The following QTGAL variants were observed in gnomAD, a reference collection of about 807,000 sequenced individuals.
The protein encoded by QTGAL is queuosine-tRNA galactosyltransferase, also known as BGnT-like protein 1.
the QTGAL span, among the ~76,000 whole-genome samples, chr17:83,031,507 T>C: frequency 0.01 from 946 of 90,572 alleles, 65 homozygotes; most frequent in African/African-American, 0.016. Flanking sequence ...CTCGCAGGAC[T>C]GGCGCCACGT....
chr17:83,005,265 T>G, the QTGAL span: 4 of 1,319,308 alleles, frequency 3.0e-6, no homozygotes, highest in African/African-American at 5.8e-5. This position sits in a 1 kb window ranked among gnomAD's most constrained non-coding sequence, Gnocchi z 5.6. Context: ...CGCAGGTGCA[T>G]GTGCACACCT....
chr17:82,986,502 T>C, the QTGAL span, among the ~76,000 whole-genome samples: 3 of 152,258 alleles, frequency 2.0e-5, no homozygotes, highest in African/African-American at 7.2e-5. Context: ...CAATGGAATA[T>C]TCATCTTCTC....
At chr17:83,048,622 G>A in the QTGAL span, 61 of 1,604,764 alleles carry the variant, frequency 3.8e-5, no homozygotes, top group Admixed American at 3.0e-4. Context: ...ACAGTCAACC[G>A]TTGCTTACAC....
At chr17:82,983,096 C>G in the QTGAL span, among the ~76,000 whole-genome samples, 1 of 152,166 alleles carries the variant, frequency 6.6e-6, no homozygotes, top group African/African-American at 2.4e-5. Context: ...GCCTGCCCAA[C>G]ATGCTGAAAC....
At chr17:83,040,393 G>A in the QTGAL span, among the ~76,000 whole-genome samples, 3 of 152,098 alleles carry the variant, frequency 2.0e-5, no homozygotes, top group African/African-American at 4.8e-5. Flanking sequence ...GTCTTATATG[G>A]AAACTTTAAA....
chr17:82,970,198 C>G, the QTGAL span, among the ~76,000 whole-genome samples: 1 of 152,166 alleles, frequency 6.6e-6, no homozygotes, highest in Non-Finnish European at 1.5e-5. Flanking sequence ...GCCAGGCCAG[C>G]CAAGGCCACA....
the QTGAL span, among the ~76,000 whole-genome samples, chr17:83,042,716 T>A: frequency 1.2e-3 from 177 of 152,336 alleles, no homozygotes; most frequent in Non-Finnish European, 2.2e-3. Context: ...ACTTTAAATG[T>A]AAATGGACTA....
At chr17:83,010,130 G>A in the QTGAL span, among the ~76,000 whole-genome samples, 1 of 151,532 alleles carries the variant, frequency 6.6e-6, no homozygotes, top group African/African-American at 2.4e-5. Flanking sequence ...CCCCTGGTGT[G>A]GGGTGCTGTG....
At chr17:82,956,489 G>A in the QTGAL span, among the ~76,000 whole-genome samples, 1 of 152,204 alleles carries the variant, frequency 6.6e-6, no homozygotes, top group Non-Finnish European at 1.5e-5. This position sits in a 1 kb window ranked among gnomAD's most constrained non-coding sequence, Gnocchi z 5.7. Flanking sequence ...ACCCTCTCCA[G>A]CTGCCTCCTG....
chr17:82,952,442 A>T, the QTGAL span, among the ~76,000 whole-genome samples: 3 of 152,214 alleles, frequency 2.0e-5, no homozygotes, highest in Non-Finnish European at 2.9e-5. Flanking sequence ...CTTTAAACCA[A>T]TGAAGATTAA....
chr17:82,946,281 G>C, the QTGAL span, among the ~76,000 whole-genome samples: 4 of 152,218 alleles, frequency 2.6e-5, no homozygotes, highest in Non-Finnish European at 5.9e-5. Flanking sequence ...AATGTGAATG[G>C]ATTAAAACCT....
chr17:83,050,708 G>C, the QTGAL span, among the ~76,000 whole-genome samples: 1 of 152,250 alleles, frequency 6.6e-6, no homozygotes, highest in African/African-American at 2.4e-5. Flanking sequence ...TCCAGCCTCT[G>C]CCGGAGCACG....
the QTGAL span, among the ~76,000 whole-genome samples, chr17:82,996,880 T>C: frequency 2.0e-5 from 3 of 152,230 alleles, no homozygotes; most frequent in East Asian, 5.8e-4. Flanking sequence ...TCTTTCACCA[T>C]ATGCAAAAAT....
the QTGAL span, among the ~76,000 whole-genome samples, chr17:83,000,308 C>G: frequency 6.6e-6 from 1 of 152,158 alleles, no homozygotes; most frequent in African/African-American, 2.4e-5. Flanking sequence ...GAGGGAGGAG[C>G]TGTGCTTGCG....
the QTGAL span, among the ~76,000 whole-genome samples, chr17:82,997,096 A>G: frequency 6.6e-6 from 1 of 152,228 alleles, no homozygotes; most frequent in Non-Finnish European, 1.5e-5. Flanking sequence ...AACTATCAAC[A>G]AAGTGAAGAG....
chr17:82,958,841 G>GTATTC, the QTGAL span, among the ~76,000 whole-genome samples: 1 of 132,422 alleles, frequency 7.6e-6, no homozygotes. Context: ...GTGTGTGTGT[G>GTATTC]TGTACACTGG....
chr17:83,002,584 G>A, the QTGAL span, among the ~76,000 whole-genome samples: 3 of 152,196 alleles, frequency 2.0e-5, no homozygotes, highest in African/African-American at 7.2e-5. Context: ...TCCCCCAGGG[G>A]CAGCCAAGGG....
the QTGAL span, among the ~76,000 whole-genome samples, chr17:82,989,890 T>C: frequency 6.6e-6 from 1 of 151,588 alleles, no homozygotes; most frequent in Non-Finnish European, 1.5e-5. Flanking sequence ...ACCACAGGAG[T>C]ATATTACGGG....
At chr17:83,015,643 C>A in the QTGAL span, among the ~76,000 whole-genome samples, 5 of 152,348 alleles carry the variant, frequency 3.3e-5, no homozygotes, top group African/African-American at 1.2e-4. This position sits in a 1 kb window ranked among gnomAD's most constrained non-coding sequence, Gnocchi z 4.4. Flanking sequence ...CGGGCTGGTG[C>A]CGCGCCATGG....
Sources: allele counts gnomAD v4.1 joint callset (sites outside exome capture counted in the v4.1 genomes callset), GRCh38; gene constraint gnomAD v4.1.1; non-coding constraint Gnocchi (gnomAD v3.1); transcripts MANE v1.5; gene names NCBI Gene and HGNC (gene_info 2026-07-23, HGNC 2026-07-21).